The following C1QC variants were observed in gnomAD, a reference collection of about 807,000 sequenced individuals.
C1QC encodes complement C1q subcomponent subunit C.
In C1QC, 4 loss-of-function variants were observed where a neutral mutation model predicts 5.9. That is an observed-to-expected ratio of 0.68 (90% CI 0.33 to 1.55). The LOEUF is 1.55. Among genes scored for constraint, C1QC ranks in the 40% most tolerant of loss-of-function variants. The probability of loss-of-function intolerance (pLI) is 0.06; values close to 1 mark genes in which losing one functional copy is unlikely to be tolerated. For synonymous variants in C1QC, 166 were observed against 153.8 expected (o/e 1.08, Z -0.59); for missense variants, 299 against 326.9 (o/e 0.91, Z 0.66).
chr1:22,647,991 C>T lies in C1QC; in HGVS notation c.*208C>T. 1 of 605,564 alleles carries T rather than the reference C, an allele frequency of 1.7e-6. No homozygotes were observed. The highest frequency in any genetic ancestry group is 2.1e-5 in the South Asian group (1 of 48,698). 37.5% of individuals were successfully genotyped at this position (605,564 alleles called of 1,614,324 possible). ...CTCTGAACTTCTTTAGGAGTCACTG[C>T]TTGTGTGGTTCCTGGGACACTTAAC... On this transcript the variant is annotated 3_prime_UTR_variant, in exon 3 of 3. Coordinates refer to ENST00000374640, the MANE Select transcript of C1QC (RefSeq NM_172369.5).
In C1QC at chr1:22,647,847, C is replaced by A; in HGVS notation, c.*64C>A. On this transcript the variant is annotated 3_prime_UTR_variant, in exon 3 of 3. Coordinates refer to ENST00000374640, the MANE Select transcript of C1QC (RefSeq NM_172369.5). ...TCCCTCAGCTTCCTGCATGGACCCACCTTACTGGCCAGTCTGCATCCTTGC... is the reference window on the plus strand; with the variant it reads ...TCCCTCAGCTTCCTGCATGGACCCAACTTACTGGCCAGTCTGCATCCTTGC... 1 of 1,589,736 alleles carries A rather than the reference C, an allele frequency of 6.3e-7. No homozygotes were observed. The highest frequency in any genetic ancestry group is 8.5e-7 in the Non-Finnish European group (1 of 1,173,746).
In C1QC at chr1:22,643,867, G is replaced by A; in HGVS notation, c.-13-144G>A. ...GCCCCGGGGCCTGGGCTGAAGAAAA[G>A]GCCCCACCATCCATCCATGGTGAGG... On this transcript the variant is annotated intron_variant, in intron 1 of 2. Coordinates refer to ENST00000374640, the MANE Select transcript of C1QC (RefSeq NM_172369.5). 3.6e-6 allele frequency: 5 copies of A among 1,376,422 alleles called. No homozygotes were observed. The South Asian group carries it at 8.4e-5, about 23-fold the overall frequency. The allele number at this position is 1,376,422 out of a possible 1,614,324, so 85.3% of individuals were successfully genotyped here.
intron 2 of C1QC, among the ~76,000 whole-genome samples, chr1:22,646,540 C>A (rs1245271889): frequency 6.6e-6 from 1 of 152,134 alleles, no homozygotes; most frequent in Non-Finnish European, 1.5e-5. Flanking sequence ...TGTCAGCTTC[C>A]TGGTTTTGAC....
intron 2 of C1QC, among the ~76,000 whole-genome samples, chr1:22,647,019 G>A (rs956597735): frequency 6.6e-6 from 1 of 152,196 alleles, no homozygotes; most frequent in Non-Finnish European, 1.5e-5. Context: ...GGGCAGGTCA[G>A]TGGAGAAGCA....
intron 2 of C1QC, among the ~76,000 whole-genome samples, chr1:22,645,950 C>T (rs540964069): frequency 2.2e-4 from 33 of 152,262 alleles, no homozygotes; most frequent in African/African-American, 6.5e-4. Flanking sequence ...CTGATGGGAG[C>T]GGTCAAGGAG....
chr1:22,647,407 T>C lies in C1QC; in HGVS notation c.362T>C (p.Val121Ala). The C allele has an allele frequency of 6.2e-7, 1 of 1,613,932 alleles. No homozygotes were observed. Among genetic ancestry groups the C allele is most frequent in the Non-Finnish European group, 8.5e-7 (1 of 1,179,996 alleles). The change falls in exon 3 of 3, where the codon GTG becomes GCG. Residue 121 changes from valine (V) to alanine (A), a missense_variant. By Grantham distance (64) the Val-to-Ala change is moderately conservative. This residue lies in a region of C1QC where 9 missense variants were observed against 27.7 expected (regional missense o/e 0.32). Coordinates refer to ENST00000374640, the MANE Select transcript of C1QC (RefSeq NM_172369.5). Reference protein sequence around the residue: ...EGRYKQKFQSVFTVTRQTHQP... With the variant: ...EGRYKQKFQSAFTVTRQTHQP... The stretch of plus-strand genomic sequence containing the variant: ...AGATACAAGCAGAAATTCCAGTCAG[T>C]GTTCACGGTCACTCGGCAGACCCAC...
intron 2 of C1QC, among the ~76,000 whole-genome samples, chr1:22,646,403 G>A (rs1642369758): frequency 6.6e-6 from 1 of 152,182 alleles, no homozygotes; most frequent in African/African-American, 2.4e-5. Flanking sequence ...CAAACTGAAA[G>A]ATGCGCTTGA....
Position 22,647,651 on chromosome 1 carries a change from C to T in C1QC, c.606C>T (p.Val202=). The T allele has an allele frequency of 6.2e-7, 1 of 1,613,366 alleles. No homozygotes were observed. Among genetic ancestry groups the T allele is most frequent in the Non-Finnish European group, 8.5e-7 (1 of 1,179,996 alleles). The change falls in exon 3 of 3, where the codon GTC becomes GTT. Residue 202 remains valine, a synonymous_variant. Transcript: ENST00000374640. ...GCCACACGTCCAAAACCAATCAGGTCAACTCGGGCGGTGTGCTGCTGAGGT... is the reference window on the plus strand; with the variant it reads ...GCCACACGTCCAAAACCAATCAGGTTAACTCGGGCGGTGTGCTGCTGAGGT... ...FCGHTSKTNQ[V]NSGGVLLRLQ... is the part of the protein sequence containing the mutation.
In C1QC at chr1:22,648,013, T is replaced by A; in HGVS notation, c.*230T>A. On this transcript the variant is annotated 3_prime_UTR_variant, in exon 3 of 3. Coordinates refer to ENST00000374640, the MANE Select transcript of C1QC (RefSeq NM_172369.5). ...CTGCTTGTGTGGTTCCTGGGACACT[T>A]AACCAATGCCTTCTGGTACTGCCAT... 1.8e-6 allele frequency: 1 copy of A among 568,134 alleles called. No homozygotes were observed. Among genetic ancestry groups the A allele is most frequent in the Non-Finnish European group, 3.1e-6 (1 of 326,462 alleles). 35.2% of individuals were successfully genotyped at this position (568,134 alleles called of 1,614,324 possible).
intron 2 of C1QC, among the ~76,000 whole-genome samples, chr1:22,645,329 T>C (rs1394537539): frequency 1.3e-5 from 2 of 152,128 alleles, no homozygotes; most frequent in African/African-American, 2.4e-5. Flanking sequence ...CCACCCGTGA[T>C]TGAGCCCCCA....
At position 22,647,083 on chromosome 1, in the gene C1QC, C is replaced by T. The variant is rs527249943; in HGVS notation, c.182-144C>T. ...TCCAGCCAAAGCCTAACTCCCTGCACCCTGCTCCTAGGGAGATAGCCCATC... is the reference window on the plus strand; with the variant it reads ...TCCAGCCAAAGCCTAACTCCCTGCATCCTGCTCCTAGGGAGATAGCCCATC... On this transcript the variant is annotated intron_variant, in intron 2 of 2. Transcript: ENST00000374640. 5.5e-5 allele frequency: 54 copies of T among 979,712 alleles called. 2 individuals are homozygous for T. In the South Asian group the frequency reaches 7.5e-4, roughly 14 times the overall value. 60.7% of individuals were successfully genotyped at this position (979,712 alleles called of 1,614,324 possible).
At position 22,647,468 on chromosome 1, in the gene C1QC, C is replaced by T. The variant is rs766090445; in HGVS notation, c.423C>T (p.Asn141=). The change falls in exon 3 of 3, where the codon AAC becomes AAT. Residue 141 remains asparagine (N), a synonymous_variant. Transcript: ENST00000374640. ...CACCCAACAGCCTGATCAGATTCAA[C>T]GCGGTCCTCACCAACCCGCAGGGAG... ...PPAPNSLIRF[N]AVLTNPQGDY... 12 of 1,614,074 alleles carry T rather than the reference C, an allele frequency of 7.4e-6. No homozygotes were observed. The highest frequency in any genetic ancestry group is 2.7e-5 in the African/African-American group (2 of 74,928).
At position 22,647,887 on chromosome 1, in the gene C1QC, C is replaced by T. The variant is rs939303402; in HGVS notation, c.*104C>T. On this transcript the variant is annotated 3_prime_UTR_variant, in exon 3 of 3. Transcript: ENST00000374640. ...TGCATCCTTGCCTAGACCATTCTCC[C>T]CACCAGATGGACTTCTCCTCCAGGG... 4.5e-6 allele frequency: 3 copies of T among 662,634 alleles called. No individual in the cohort carries two copies. Among genetic ancestry groups the T allele is most frequent in the Non-Finnish European group, 4.0e-6 (2 of 497,676 alleles). The allele number at this position is 662,634 out of a possible 1,614,324, so 41.0% of individuals were successfully genotyped here.
intron 2 of C1QC, among the ~76,000 whole-genome samples, chr1:22,646,208 G>A (rs995484212): frequency 6.6e-6 from 1 of 152,210 alleles, no homozygotes; most frequent in African/African-American, 2.4e-5. Context: ...CATGGGGGCT[G>A]ACGTGGGCTG....
In C1QC at chr1:22,648,093, T is replaced by A. The variant is rs1642410692; in HGVS notation, c.*310T>A. ...AGGGGTGGGGAGATATATAAATAAA[T>A]CATGAAATCAATACATATGCCTGGC... is the stretch of plus-strand genomic sequence containing the variant. On this transcript the variant is annotated 3_prime_UTR_variant, in exon 3 of 3. Transcript: ENST00000374640. 2 of 428,424 alleles carry A rather than the reference T, an allele frequency of 4.7e-6. No homozygotes were observed. Among genetic ancestry groups the A allele is most frequent in the African/African-American group, 2.0e-5 (1 of 49,840 alleles). 26.5% of individuals were successfully genotyped at this position (428,424 alleles called of 1,614,324 possible).
At position 22,647,606 on chromosome 1, in the gene C1QC, C is replaced by T. The variant is rs772344151; in HGVS notation, c.561C>T (p.Val187=). 4 of 1,614,220 alleles carry T rather than the reference C, an allele frequency of 2.5e-6. No homozygotes were observed. Among genetic ancestry groups the T allele is most frequent in the South Asian group, 1.1e-5 (1 of 91,082 alleles). Residue 187 remains valine, a synonymous_variant, in exon 3 of 3, where the codon GTC becomes GTT. Coordinates refer to ENST00000374640, the MANE Select transcript of C1QC (RefSeq NM_172369.5). ...NLCVLLYRSG[V]KVVTFCGHTS... ...GCGTGCTGCTGTACCGCAGCGGCGT[C>T]AAAGTGGTCACCTTCTGTGGCCACA...
At position 22,644,051 on chromosome 1, in the gene C1QC, C is replaced by G; in HGVS notation, c.28C>G (p.His10Asp). Residue 10 changes from histidine to aspartate, a missense_variant, in exon 2 of 3, where the codon CAC (histidine) becomes GAC (aspartate). By Grantham distance (81) the His-to-Asp change is moderately conservative (BLOSUM62 -1). This residue lies in a region of C1QC where 146 missense variants were observed against 144.1 expected (regional missense o/e 1.01). Coordinates refer to ENST00000374640, the MANE Select transcript of C1QC (RefSeq NM_172369.5). MDVGPSSLP[H>D]LGLKLLLLLL... Reference sequence around the variant, plus strand: ...GGACGTGGGGCCCAGCTCCCTGCCCCACCTTGGGCTGAAGCTGCTGCTGCT... The same window carrying G: ...GGACGTGGGGCCCAGCTCCCTGCCCGACCTTGGGCTGAAGCTGCTGCTGCT... 1 of 1,587,406 alleles carries G rather than the reference C, an allele frequency of 6.3e-7. No homozygotes were observed. The highest frequency in any genetic ancestry group is 8.6e-7 in the Non-Finnish European group (1 of 1,168,150).
rs148237661 is a variant in C1QC, at chr1:22,644,029, C to T, written c.6C>T (p.Asp2=). The change falls in exon 2 of 3, where the codon GAC becomes GAT. Residue 2 remains aspartate, a synonymous_variant. Coordinates refer to ENST00000374640, the MANE Select transcript of C1QC (RefSeq NM_172369.5). M[D]VGPSSLPHLG... is the part of the protein sequence containing the mutation. Reference sequence around the variant, plus strand: ...CTCCCAGTTCCTTCTCCGGGATGGACGTGGGGCCCAGCTCCCTGCCCCACC... The same window carrying T: ...CTCCCAGTTCCTTCTCCGGGATGGATGTGGGGCCCAGCTCCCTGCCCCACC... 493 of 1,591,394 alleles carry T rather than the reference C, an allele frequency of 3.1e-4. No homozygotes were observed. Among genetic ancestry groups the T allele is most frequent in the Non-Finnish European group, 3.9e-4 (462 of 1,170,738 alleles).
chr1:22,646,837 T>G (rs1426979000), intron 2 of C1QC, among the ~76,000 whole-genome samples: 1 of 152,154 alleles, frequency 6.6e-6, no homozygotes, highest in East Asian at 1.9e-4. Context: ...AATTAAAAAT[T>G]TTAAAAAACA....
Sources: allele counts gnomAD v4.1 joint callset (sites outside exome capture counted in the v4.1 genomes callset), GRCh38; gene constraint gnomAD v4.1.1; regional missense constraint gnomAD v4.1.1; transcripts MANE v1.5; gene names NCBI Gene and HGNC (gene_info 2026-07-23, HGNC 2026-07-21).